TFB1M: variants seen among roughly 807,000 people sequenced by gnomAD.
The protein encoded by TFB1M is dimethyladenosine transferase 1, mitochondrial.
A neutral mutation model predicts 31.1 loss-of-function variants in TFB1M; 27 were observed. The observed-to-expected ratio is 0.87, with a 90% CI of 0.64 to 1.20. The LOEUF (loss-of-function observed/expected upper bound fraction) is 1.20. Ranked by LOEUF, TFB1M falls within the 50% of genes most tolerant of loss-of-function variation. TFB1M has a pLI of 0.00. For synonymous variants in TFB1M, 166 were observed against 151.8 expected (o/e 1.09, Z -0.69); for missense variants, 394 against 418.7 (o/e 0.94, Z 0.51).
chr6:155,313,845 A>G (rs1778123476), intron 1 of TFB1M, among the ~76,000 whole-genome samples: 1 of 152,208 alleles, frequency 6.6e-6, no homozygotes, highest in African/African-American at 2.4e-5. Flanking sequence ...TAAAAAACGA[A>G]TCATACGAGG....
downstream of TFB1M, chr6:155,253,977 A>C: frequency 1.2e-6 from 2 of 1,612,208 alleles, no homozygotes; most frequent in Non-Finnish European, 1.7e-6. Context: ...ACATAGGGAC[A>C]GAAAATAATT....
the TFB1M span, among the ~76,000 whole-genome samples, chr6:155,238,704 T>C: frequency 6.6e-6 from 1 of 152,270 alleles, no homozygotes; most frequent in Admixed American, 6.5e-5. Context: ...ATGCTGCCTC[T>C]ATTCATTTAA....
rs753763295 is a variant in TFB1M at position 155,257,095 on chromosome 6, G to GAAAC, written c.*737_*740dup. On this transcript the variant is annotated 3_prime_UTR_variant, in exon 7 of 7. Coordinates refer to ENST00000367166, the MANE Select transcript of TFB1M (RefSeq NM_016020.4). ...TGTTGTCAGTGAGGAGTGTTTTTAT[G>GAAAC]AAACAGAGAGCCACGGAAAATCATA... is the stretch of plus-strand genomic sequence containing the variant. 7 of 1,595,216 alleles carry GAAAC rather than the reference G, an allele frequency of 4.4e-6. No homozygotes were observed. The highest frequency in any genetic ancestry group is 3.4e-5 in the Admixed American group (2 of 58,884).
chr6:155,305,236 A>T (rs1777637243), intron 2 of TFB1M, among the ~76,000 whole-genome samples: 22 of 35,916 alleles, frequency 6.1e-4, no homozygotes, highest in Non-Finnish European at 7.2e-4. Flanking sequence ...ATATATATTA[A>T]ATTATATATT....
chr6:155,252,046 C>T, downstream of TFB1M: 1 of 1,473,524 alleles, frequency 6.8e-7, no homozygotes. Context: ...CTTTTCATAG[C>T]TGTATCTTCC....
At chr6:155,297,663 A>C (rs534802810) in intron 3 of TFB1M, among the ~76,000 whole-genome samples, 2 of 152,210 alleles carry the variant, frequency 1.3e-5, no homozygotes, top group Non-Finnish European at 2.9e-5. Context: ...TGTAAAAGGA[A>C]AAACAGGAGG....
At chr6:155,231,892 T>A in the TFB1M span, among the ~76,000 whole-genome samples, 177 of 152,286 alleles carry the variant, frequency 1.2e-3, 1 homozygote, top group African/African-American at 4.1e-3. Flanking sequence ...CTGACCAACA[T>A]GATGAAACTG....
chr6:155,279,722 T>C (rs192780804), intron 5 of TFB1M, among the ~76,000 whole-genome samples: 1 of 152,246 alleles, frequency 6.6e-6, no homozygotes, highest in East Asian at 1.9e-4. Context: ...ATTAATTTCA[T>C]TGCATTTTAT....
At chr6:155,305,604 T>A (rs1292889480) in intron 2 of TFB1M, among the ~76,000 whole-genome samples, 11 of 12,144 alleles carry the variant, frequency 9.1e-4, no homozygotes, top group African/African-American at 2.6e-3. Flanking sequence ...TATATATAAA[T>A]ATATATATAT....
rs575614171 is a variant in TFB1M at position 155,303,274 on chromosome 6, C to T, written c.286-4689G>A. ...GCCAAGAACACTAAACCAAATTTCA[C>T]CCTTTTCTTGATGACCTAGGGTTAC... On this transcript the variant is annotated intron_variant, in intron 2 of 6. Coordinates refer to ENST00000367166, the MANE Select transcript of TFB1M (RefSeq NM_016020.4). The T allele has an allele frequency of 3.9e-5, 6 of 152,270 alleles. No individual in the cohort carries two copies. In the East Asian group the frequency reaches 1.2e-3, roughly 29 times the overall value. The allele number at this position is 152,270 out of a possible 1,614,324, so 9.4% of individuals were successfully genotyped here.
chr6:155,250,869 C>T, the TFB1M span: 1 of 1,580,946 alleles, frequency 6.3e-7, no homozygotes, highest in Non-Finnish European at 8.7e-7. Context: ...ATCATCTAGC[C>T]TGGGATTTCC....
the TFB1M span, chr6:155,244,223 C>T: frequency 5.0e-4 from 393 of 789,150 alleles, 4 homozygotes; most frequent in Middle Eastern, 1.3e-3. Context: ...CCAGGCATAG[C>T]CTCCTCCTAA....
At chr6:155,232,082 A>G in the TFB1M span, among the ~76,000 whole-genome samples, 1 of 129,354 alleles carries the variant, frequency 7.7e-6, no homozygotes, top group Non-Finnish European at 1.6e-5. Context: ...CTCTGTCTCA[A>G]AAACAAAAAC....
In TFB1M at chr6:155,314,324, C is replaced by G; in HGVS notation, c.105G>C (p.Gln35His). ...TCAGCCTCAAGTCCAGGAGGAAATT[C>G]TGTGATAGCTGCTTCGCTGCTTGCA... ...LRLQAAKQLS[Q>H]NFLLDLRLTD... is the part of the protein sequence containing the mutation. Residue 35 changes from glutamine to histidine, a missense_variant, in exon 1 of 7, where the codon CAG (glutamine) becomes CAC (histidine). Physicochemically the swap from Gln to His is conservative, Grantham distance 24. Around this residue, in one of 3 missense-constraint regions of TFB1M, gnomAD observed 273 missense variants for 256.4 expected, o/e 1.06. Coordinates refer to ENST00000367166, the MANE Select transcript of TFB1M (RefSeq NM_016020.4). 4 of 1,614,236 alleles carry G rather than the reference C, an allele frequency of 2.5e-6. No individual in the cohort carries two copies. The highest frequency in any genetic ancestry group is 2.5e-6 in the Non-Finnish European group (3 of 1,180,038).
At position 155,278,085 on chromosome 6, in the gene TFB1M, T is replaced by C. The variant is rs564415333; in HGVS notation, c.666+7073A>G. 3.3e-5 allele frequency among the ~76,000 whole-genome samples: 5 copies of C among 152,332 alleles called. No homozygotes were observed. In the South Asian group the frequency reaches 1.0e-3, roughly 32 times the overall value. ...ATGAAATAATGGCCCAGTGTATTGT[T>C]TGGAAGTGGCAATCCTGCAATAAAT... is the stretch of plus-strand genomic sequence containing the variant. On this transcript the variant is annotated intron_variant, in intron 5 of 6. Coordinates refer to ENST00000367166, the MANE Select transcript of TFB1M (RefSeq NM_016020.4).
intron 5 of TFB1M, among the ~76,000 whole-genome samples, chr6:155,282,731 A>ATTTTTTTTTTTTTTTTTTTTTT (rs746701732): frequency 6.8e-6 from 1 of 146,018 alleles, no homozygotes; most frequent in African/African-American, 2.5e-5. Context: ...GAGAAAATGA[A>ATTTTTTTTTTTTTTTTTTTTTT]TTTTTTTTTT....
intron 1 of TFB1M, 115 bp downstream of exon 1, chr6:155,314,181 A>G (rs1223853573): frequency 1.3e-6 from 2 of 1,551,190 alleles, no homozygotes; most frequent in East Asian, 2.4e-5. Context: ...ACCTGACCAA[A>G]AGCCCGTCGC....
At chr6:155,291,086 C>T (rs1423141886) in intron 4 of TFB1M, among the ~76,000 whole-genome samples, 1 of 152,088 alleles carries the variant, frequency 6.6e-6, no homozygotes, top group Admixed American at 6.6e-5. Flanking sequence ...GACATGGAAC[C>T]CTCTGATTTA....
intron 2 of TFB1M, among the ~76,000 whole-genome samples, chr6:155,304,667 G>GA (rs1777586395): frequency 6.6e-6 from 1 of 151,856 alleles, no homozygotes; most frequent in East Asian, 1.9e-4. Context: ...AGGTAAGGAT[G>GA]AAAAAAGATT....
Sources: gnomAD v4.1 joint callset for allele counts (sites outside exome capture counted in the v4.1 genomes callset) on GRCh38, gnomAD v4.1.1 for gene constraint, gnomAD v4.1.1 regional missense constraint, MANE v1.5 for transcripts, NCBI Gene and HGNC (gene_info 2026-07-23, HGNC 2026-07-21) for gene names.